The following SLC9C1 variants were observed in gnomAD, a reference collection of about 807,000 sequenced individuals.
SLC9C1 encodes solute carrier family 9 member C1, also known as sodium/hydrogen exchanger 10.
A neutral mutation model predicts 140.9 loss-of-function variants in SLC9C1; 97 were observed. That is an observed-to-expected ratio of 0.69 (90% CI 0.58 to 0.82). SLC9C1 has a LOEUF of 0.82. Ranked by LOEUF, SLC9C1 falls within the 40% of genes least tolerant of loss-of-function variation. The pLI is 0.00. For synonymous variants in SLC9C1, 440 were observed against 442.6 expected, an observed-to-expected ratio of 0.99 and a Z score of 0.07; for missense variants, 1,340 against 1,389.3, an observed-to-expected ratio of 0.96 and a Z score of 0.56.
chr3:112,203,529 C>A (rs1048232946), intron 17 of SLC9C1, among the ~76,000 whole-genome samples: 3 of 148,666 alleles, frequency 2.0e-5, no homozygotes, highest in African/African-American at 7.5e-5. Flanking sequence ...TGTAAAGATT[C>A]TATTAGTTTT....
intron 10 of SLC9C1, 116 bp from the exon 11 acceptor site, chr3:112,244,192 G>T (rs2079214924): frequency 1.9e-6 from 1 of 531,620 alleles, no homozygotes; most frequent in African/African-American, 2.0e-5. Context: ...GTTGTACTGT[G>T]TTAATAGATG....
chr3:112,206,608 G>T (rs896769316), intron 16 of SLC9C1, among the ~76,000 whole-genome samples: 2 of 152,118 alleles, frequency 1.3e-5, no homozygotes, highest in Non-Finnish European at 2.9e-5. Flanking sequence ...GTCCATCAAT[G>T]ATAGACTGGA....
chr3:112,223,110 T>C (rs867352114), intron 13 of SLC9C1, among the ~76,000 whole-genome samples: 68 of 152,180 alleles, frequency 4.5e-4, no homozygotes, highest in African/African-American at 1.5e-3. Context: ...ATAAAACATA[T>C]CTATAAAAGG....
chr3:112,270,731 G>A (rs774282913), intron 6 of SLC9C1, among the ~76,000 whole-genome samples: 1 of 152,138 alleles, frequency 6.6e-6, no homozygotes, highest in Non-Finnish European at 1.5e-5. Flanking sequence ...CATGAGAATA[G>A]CTTGAATCTG....
intron 20 of SLC9C1, among the ~76,000 whole-genome samples, chr3:112,184,904 C>T (rs1211342563): frequency 6.6e-6 from 1 of 152,096 alleles, no homozygotes; most frequent in Non-Finnish European, 1.5e-5. Context: ...AGACAATACA[C>T]CACCGGGATA....
At chr3:112,144,894 G>A (rs2074740671) in intron 28 of SLC9C1, among the ~76,000 whole-genome samples, 1 of 152,200 alleles carries the variant, frequency 6.6e-6, no homozygotes, top group Admixed American at 6.5e-5. Flanking sequence ...TGTAAAGAGA[G>A]ATAGTTTGAC....
At chr3:112,194,386 A>G (rs1166061007) in intron 20 of SLC9C1, among the ~76,000 whole-genome samples, 2 of 152,166 alleles carry the variant, frequency 1.3e-5, no homozygotes, top group Non-Finnish European at 2.9e-5. Context: ...CACCACAGGT[A>G]CTTCTTTACT....
chr3:112,238,650 T>C (rs528412961), intron 12 of SLC9C1, among the ~76,000 whole-genome samples: 17 of 152,364 alleles, frequency 1.1e-4, no homozygotes, highest in African/African-American at 4.1e-4. Flanking sequence ...GGATGTCCTT[T>C]GTGTTTGTTG....
At chr3:112,164,120 G>C (rs1382657967) in intron 26 of SLC9C1, among the ~76,000 whole-genome samples, 2 of 151,686 alleles carry the variant, frequency 1.3e-5, no homozygotes, top group Non-Finnish European at 2.9e-5. Context: ...TTTTCCATTT[G>C]CTTGGTAGAT....
At chr3:112,149,735 C>G (rs2074904658) in intron 28 of SLC9C1, among the ~76,000 whole-genome samples, 1 of 152,006 alleles carries the variant, frequency 6.6e-6, no homozygotes, top group African/African-American at 2.4e-5. Context: ...TTGCATGGCT[C>G]AAGCTGCTGA....
intron 10 of SLC9C1, among the ~76,000 whole-genome samples, chr3:112,245,010 T>C (rs1559707473): frequency 6.6e-6 from 1 of 152,222 alleles, no homozygotes; most frequent in Non-Finnish European, 1.5e-5. Flanking sequence ...GTATATCTAC[T>C]CATATAACTC....
rs139287305 is a variant in SLC9C1, at chr3:112,276,209, A to G, written c.485-1184T>C. On this transcript the variant is annotated intron_variant, in intron 5 of 28. Transcript: ENST00000305815. ...AGCAAAACCTAACTGATATTATTGT[A>G]TAATTATCCCATTTTAGAAAATGGA... Among the ~76,000 whole-genome samples the G allele has an allele frequency of 5.9e-3, 891 of 152,272 alleles. 6 individuals are homozygous for G. Among genetic ancestry groups the G allele is most frequent in the African/African-American group, 0.021 (859 of 41,560 alleles).
chr3:112,141,209 T>G lies in SLC9C1; in HGVS notation c.*63A>C. The G allele has an allele frequency of 6.7e-7, 1 of 1,481,608 alleles. No homozygotes were observed. 91.8% of individuals were successfully genotyped at this position (1,481,608 alleles called of 1,614,324 possible). On this transcript the variant is annotated 3_prime_UTR_variant, in exon 29 of 29. Coordinates refer to ENST00000305815, the MANE Select transcript of SLC9C1 (RefSeq NM_183061.3). ...TCCTTCTTGATGTAGGGAAGTGTGT[T>G]TCTGCAGCAGGAGGCCTCTCATAGC...
intron 15 of SLC9C1, among the ~76,000 whole-genome samples, chr3:112,209,095 A>G (rs948982817): frequency 2.6e-5 from 4 of 152,232 alleles, no homozygotes; most frequent in Non-Finnish European, 4.4e-5. Flanking sequence ...TAAAATTCAC[A>G]TGATAATGAT....
chr3:112,151,925 CT>C lies in SLC9C1; in HGVS notation c.3455del (p.Gln1152ArgfsTer18). On this transcript the variant is annotated frameshift_variant, in exon 28 of 29. Coordinates refer to ENST00000305815, the MANE Select transcript of SLC9C1 (RefSeq NM_183061.3). LOFTEE classifies it high-confidence loss of function. ...ACTTTGTCCCCAGCAGGGAGCAAGGCTGGGGACTCCTGGCAGTGGCGGCACT... is the reference window on the plus strand; with the variant it reads ...ACTTTGTCCCCAGCAGGGAGCAAGGCGGGGACTCCTGGCAGTGGCGGCACT... ...AHSAATARSP[Q>X]PCSLLGTKFN... 6.2e-7 allele frequency: 1 copy of C among 1,605,610 alleles called. No individual in the cohort carries two copies. Among genetic ancestry groups the C allele is most frequent in the Non-Finnish European group, 8.5e-7 (1 of 1,177,784 alleles).
intron 18 of SLC9C1, among the ~76,000 whole-genome samples, chr3:112,201,526 G>A (rs1391624101): frequency 6.6e-6 from 1 of 152,016 alleles, no homozygotes; most frequent in Non-Finnish European, 1.5e-5. Context: ...GCATTGAGAT[G>A]TTTTAAATCG....
intron 7 of SLC9C1, among the ~76,000 whole-genome samples, chr3:112,268,579 C>G (rs2079986086): frequency 6.6e-6 from 1 of 152,162 alleles, no homozygotes; most frequent in African/African-American, 2.4e-5. Flanking sequence ...AAAATACCGT[C>G]AATTGTTTTG....
chr3:112,262,450 G>A (rs1452060888), intron 10 of SLC9C1, among the ~76,000 whole-genome samples: 1 of 150,938 alleles, frequency 6.6e-6, no homozygotes, highest in Non-Finnish European at 1.5e-5. Flanking sequence ...AGAGATCCTT[G>A]TAATTATCTT....
At chr3:112,241,600 C>G (rs554444015) in intron 11 of SLC9C1, among the ~76,000 whole-genome samples, 3 of 152,178 alleles carry the variant, frequency 2.0e-5, no homozygotes, top group Admixed American at 2.0e-4. Flanking sequence ...AAAAACAGTT[C>G]TAAAATTTAC....
Sources: gnomAD v4.1 joint callset for allele counts (sites outside exome capture counted in the v4.1 genomes callset) on GRCh38, gnomAD v4.1.1 for gene constraint, MANE v1.5 for transcripts, NCBI Gene and HGNC (gene_info 2026-07-23, HGNC 2026-07-21) for gene names.